Variants in TNFAIP8L3 observed in about 807,000 individuals in gnomAD.
TNFAIP8L3 encodes the protein tumor necrosis factor alpha-induced protein 8-like protein 3.
TNFAIP8L3 carries 7 observed loss-of-function variants against 11.8 expected under a neutral mutation model. The observed-to-expected ratio is 0.59, with a 90% CI of 0.34 to 1.11. The LOEUF (loss-of-function observed/expected upper bound fraction) is 1.11, where lower values mean the gene tolerates loss of function less well. Ranked by LOEUF, TNFAIP8L3 falls within the 50% of genes most tolerant of loss-of-function variation. The pLI is 0.03. For missense variants in TNFAIP8L3, 219 were observed against 258.6 expected, an observed-to-expected ratio of 0.85 and a Z score of 1.05; for synonymous variants, 98 against 103.8, an observed-to-expected ratio of 0.94 and a Z score of 0.34.
intron 1 of TNFAIP8L3, among the ~76,000 whole-genome samples, chr15:51,059,637 T>C (rs865978744): frequency 5.3e-4 from 80 of 152,326 alleles, no homozygotes; most frequent in East Asian, 3.9e-3. Context: ...GTTCTGAGCA[T>C]AGGGAATGGT....
intron 1 of TNFAIP8L3, among the ~76,000 whole-genome samples, chr15:51,086,756 G>A (rs1188437613): frequency 6.6e-6 from 1 of 152,212 alleles, no homozygotes; most frequent in Non-Finnish European, 1.5e-5. Context: ...CGAATACATT[G>A]TAAGTGCTTA....
In TNFAIP8L3 at chr15:51,058,446, A is replaced by G. The variant is rs539631341; in HGVS notation, c.53-3T>C. On this transcript the variant is annotated splice_polypyrimidine_tract_variant and splice_region_variant and intron_variant, in intron 1 of 1. Transcript: ENST00000637513. ...CTTTGAACTAAAAACATCAGGACCTATGGTAAAAAAAATATATATAAAAGT... is the reference window on the plus strand; with the variant it reads ...CTTTGAACTAAAAACATCAGGACCTGTGGTAAAAAAAATATATATAAAAGT... The G allele has an allele frequency of 2.9e-6, 4 of 1,384,870 alleles. No homozygotes were observed. The highest frequency in any genetic ancestry group is 3.7e-6 in the Non-Finnish European group (4 of 1,080,880). The allele number at this position is 1,384,870 out of a possible 1,614,324, so 85.8% of individuals were successfully genotyped here.
chr15:51,102,601 T>C (rs1328811219), intron 1 of TNFAIP8L3, among the ~76,000 whole-genome samples: 1 of 152,238 alleles, frequency 6.6e-6, no homozygotes, highest in African/African-American at 2.4e-5. Flanking sequence ...CAAGGTCACC[T>C]GGTCTAACCC....
chr15:51,093,839 A>T (rs2065490126), intron 1 of TNFAIP8L3, among the ~76,000 whole-genome samples: 1 of 151,556 alleles, frequency 6.6e-6, no homozygotes, highest in African/African-American at 2.4e-5. Flanking sequence ...GAGGACATTC[A>T]TTTTTTTTCT....
At chr15:51,074,786 C>T (rs768531944) in intron 1 of TNFAIP8L3, among the ~76,000 whole-genome samples, 16 of 152,188 alleles carry the variant, frequency 1.1e-4, no homozygotes, top group Middle Eastern at 6.3e-3. Flanking sequence ...AGTGGACCCT[C>T]GCCCAGGTGG....
chr15:51,074,749 C>T (rs1266084582), intron 1 of TNFAIP8L3, among the ~76,000 whole-genome samples: 1 of 152,226 alleles, frequency 6.6e-6, no homozygotes, highest in East Asian at 1.9e-4. Context: ...CCAGCCATGC[C>T]CTGACTCTCG....
chr15:51,069,745 G>A (rs1452358669), intron 1 of TNFAIP8L3, among the ~76,000 whole-genome samples: 1 of 152,204 alleles, frequency 6.6e-6, no homozygotes, highest in African/African-American at 2.4e-5. Context: ...TTTTATAGAT[G>A]AGGAAACTGA....
intron 1 of TNFAIP8L3, among the ~76,000 whole-genome samples, chr15:51,071,589 T>G (rs907162032): frequency 1.3e-5 from 2 of 152,266 alleles, no homozygotes; most frequent in Admixed American, 6.5e-5. Context: ...ATTTAGTTGC[T>G]TATATAAATA....
intron 1 of TNFAIP8L3, among the ~76,000 whole-genome samples, chr15:51,089,842 C>T (rs2065455012): frequency 1.3e-5 from 2 of 152,312 alleles, no homozygotes; most frequent in Admixed American, 6.5e-5. Flanking sequence ...GGCAGAGATC[C>T]GTGCAAATTT....
intron 1 of TNFAIP8L3, among the ~76,000 whole-genome samples, chr15:51,082,651 T>TTAGCTTGTG (rs1469485775): frequency 7.2e-5 from 11 of 152,238 alleles, no homozygotes; most frequent in Non-Finnish European, 1.0e-4. Flanking sequence ...AACACTTAGC[T>TTAGCTTGTG]TAAAACACAA....
chr15:51,096,668 G>T (rs2065515381), upstream of TNFAIP8L3, among the ~76,000 whole-genome samples: 1 of 152,110 alleles, frequency 6.6e-6, no homozygotes, highest in Non-Finnish European at 1.5e-5. Flanking sequence ...GAGGCGGGTG[G>T]ATCACCTGAG....
At chr15:51,088,650 T>A (rs539404502) in intron 1 of TNFAIP8L3, among the ~76,000 whole-genome samples, 59 of 152,342 alleles carry the variant, frequency 3.9e-4, no homozygotes, top group Non-Finnish European at 5.1e-4. Context: ...CACTTTAATC[T>A]GGCAACCGAA....
chr15:51,066,414 G>A (rs530648717), intron 1 of TNFAIP8L3, among the ~76,000 whole-genome samples: 17 of 152,106 alleles, frequency 1.1e-4, no homozygotes, highest in South Asian at 4.1e-4. Context: ...CACCCGCCTC[G>A]GCCTCCCAAA....
rs1341173951 is a variant in TNFAIP8L3 at position 51,094,874 on chromosome 15, A to G, written c.-279T>C. ...GGAGACAGCCGGGAGGAGGGAGGGGAGGCGCGAGCGCCGAGGAGCCCGAGC... is the reference window on the plus strand; with the variant it reads ...GGAGACAGCCGGGAGGAGGGAGGGGGGGCGCGAGCGCCGAGGAGCCCGAGC... On this transcript the variant is annotated 5_prime_UTR_variant, in exon 1 of 2. Coordinates refer to ENST00000637513, the MANE Select transcript of TNFAIP8L3 (RefSeq NM_001311175.2). This position sits in a 1 kb window ranked among gnomAD's most constrained non-coding sequence, Gnocchi z 4.4. 6.6e-6 allele frequency among the ~76,000 whole-genome samples: 1 copy of G among 150,774 alleles called. No homozygotes were observed. The highest frequency in any genetic ancestry group is 6.6e-5 in the Admixed American group (1 of 15,176).
intron 1 of TNFAIP8L3, among the ~76,000 whole-genome samples, chr15:51,060,012 T>G (rs2065232513): frequency 6.6e-6 from 1 of 152,240 alleles, no homozygotes; most frequent in Non-Finnish European, 1.5e-5. Flanking sequence ...GACCCTGACA[T>G]GGCCAGGCTT....
In TNFAIP8L3 at chr15:51,057,645, G is replaced by C. The variant is rs1357319350; in HGVS notation, c.*236C>G. ...CAAAACAGCCTTTCTGCTTAGAATAGATGAAATGTCCTTTGGGCTTGCACA... is the reference window on the plus strand; with the variant it reads ...CAAAACAGCCTTTCTGCTTAGAATACATGAAATGTCCTTTGGGCTTGCACA... On this transcript the variant is annotated 3_prime_UTR_variant, in exon 2 of 2. Coordinates refer to ENST00000637513, the MANE Select transcript of TNFAIP8L3 (RefSeq NM_001311175.2). The C allele has an allele frequency of 2.1e-5, 10 of 477,494 alleles. No homozygotes were observed. The East Asian group carries it at 3.5e-4, about 17-fold the overall frequency. 29.6% of individuals were successfully genotyped at this position (477,494 alleles called of 1,614,324 possible).
intron 1 of TNFAIP8L3, among the ~76,000 whole-genome samples, chr15:51,070,353 A>G (rs1043420220): frequency 8.5e-5 from 13 of 152,242 alleles, no homozygotes; most frequent in African/African-American, 2.7e-4. Flanking sequence ...AATCCCTTGC[A>G]TCTAACAAAT....
intron 1 of TNFAIP8L3, among the ~76,000 whole-genome samples, chr15:51,065,168 A>C (rs532647585): frequency 6.6e-6 from 1 of 152,256 alleles, no homozygotes; most frequent in African/African-American, 2.4e-5. Flanking sequence ...CCTTAAACCA[A>C]GATTGATAGA....
intron 1 of TNFAIP8L3, among the ~76,000 whole-genome samples, chr15:51,079,284 T>C (rs1231287718): frequency 6.6e-6 from 1 of 152,268 alleles, no homozygotes; most frequent in Non-Finnish European, 1.5e-5. Flanking sequence ...GAATGACTTC[T>C]GACTTCTAGG....
Sources: allele counts gnomAD v4.1 joint callset (sites outside exome capture counted in the v4.1 genomes callset), GRCh38; gene constraint gnomAD v4.1.1; non-coding constraint Gnocchi (gnomAD v3.1); transcripts MANE v1.5; gene names NCBI Gene and HGNC (gene_info 2026-07-23, HGNC 2026-07-21).